Variants in ABCA2 observed in about 807,000 individuals in gnomAD.
ABCA2 encodes ATP-binding cassette sub-family A member 2.
ABCA2 carries 84 observed loss-of-function variants against 262.8 expected under a neutral mutation model. The observed-to-expected ratio is 0.32, with a 90% CI of 0.27 to 0.38. The LOEUF (loss-of-function observed/expected upper bound fraction) is 0.38, where lower values mean the gene tolerates loss of function less well. Among genes scored for constraint, ABCA2 ranks in the 10% least tolerant of loss-of-function variants. ABCA2 has a pLI of 1.00. For synonymous variants in ABCA2, 1,696 were observed against 1,502.9 expected, an observed-to-expected ratio of 1.13 and a Z score of -2.97; for missense variants, 2,662 against 3,405.9, an observed-to-expected ratio of 0.78 and a Z score of 5.44.
rs59031144 is a variant in ABCA2, at chr9:137,008,900, G to GCCCCCCCCC, written c.6931-33_6931-32insGGGGGGGGG. ...GGGGGGAGGTCAGAGGCCTGGCAGC[G>GCCCCCCCCC]CCCCCCCACCCCGTAGCGCCCCCTC... On this transcript the variant is annotated intron_variant, in intron 46 of 48. Coordinates refer to ENST00000341511, the MANE Select transcript of ABCA2 (RefSeq NM_001606.5). 3.9e-6 allele frequency: 6 copies of GCCCCCCCCC among 1,556,370 alleles called. No individual in the cohort carries two copies. In the African/African-American group the frequency reaches 4.2e-5, roughly 11 times the overall value.
Position 137,017,972 on chromosome 9 carries a change from C to G in ABCA2, c.2096+1G>C, listed in dbSNP as rs1262967309. ...CCCAGCCCCGGGCGCCCAGCACTCA[C>G]TCATCGCGTGTGTAGCAGGGGTAGG... On this transcript the variant is annotated splice_donor_variant, in intron 15 of 48. Transcript: ENST00000341511. LOFTEE classifies it high-confidence loss of function. The G allele has an allele frequency of 6.2e-7, 1 of 1,612,548 alleles. No homozygotes were observed.
At chr9:137,009,936 G>A (rs1467773830) in intron 42 of ABCA2, 33 bp from the exon 43 acceptor site, 4 of 1,599,040 alleles carry the variant, frequency 2.5e-6, no homozygotes, top group African/African-American at 1.3e-5. Context: ...AGTGGAGGCA[G>A]GGCCACCCAG....
rs368220227 is a variant in ABCA2 at position 137,013,487 on chromosome 9, G to A, written c.4524C>T (p.Tyr1508=). ...GGTACTCGCGGCGCTCCTCGTTGGC[G>A]TAGGGGATGAAATTGCCACGGGGCT... is the stretch of plus-strand genomic sequence containing the variant. ...YTQPRGNFIP[Y]ANEERREYRL... The change falls in exon 29 of 49, where the codon TAC becomes TAT. Residue 1508 remains tyrosine, a synonymous_variant. Transcript: ENST00000341511. 81 of 1,609,252 alleles carry A rather than the reference G, an allele frequency of 5.0e-5. No individual in the cohort carries two copies. The highest frequency in any genetic ancestry group is 1.6e-4 in the Middle Eastern group (1 of 6,076).
intron 30 of ABCA2, 32 bp from the exon 31 acceptor site, chr9:137,012,957 C>A: frequency 7.4e-6 from 11 of 1,480,278 alleles, no homozygotes; most frequent in Non-Finnish European, 9.9e-6. Flanking sequence ...GTGAGAAGGA[C>A]CCCTCACTGC....
In ABCA2 at chr9:137,020,925, A is replaced by G; in HGVS notation, c.1034T>C (p.Leu345Pro). ...QDVDVLSALA[L>P]LLPQGACTGR... ...AGTGCAGGCACCCTGGGGCAGTAGC[A>G]GGGCCAGGGCCGACAGGACATCCAC... Residue 345 changes from leucine (L) to proline (P), a missense_variant, in exon 9 of 49, where the codon CTG becomes CCG. Leu to Pro is a moderately conservative substitution (Grantham distance 98, BLOSUM62 -3). Around this residue, in one of 12 missense-constraint regions of ABCA2, gnomAD observed 403 missense variants for 375.9 expected, o/e 1.07. Coordinates refer to ENST00000341511, the MANE Select transcript of ABCA2 (RefSeq NM_001606.5). The G allele has an allele frequency of 6.4e-7, 1 of 1,565,400 alleles. No homozygotes were observed. The highest frequency in any genetic ancestry group is 8.7e-7 in the Non-Finnish European group (1 of 1,155,388).
Position 137,012,488 on chromosome 9 carries a change from G to C in ABCA2, c.5184C>G (p.Ala1728=), listed in dbSNP as rs1239787013. ...MVRKIAVRRA[A]QVFYNNKGYH... is the part of the protein sequence containing the mutation. ...CCAGGCCCGCAGCCTCGCTCACCTGGGCAGCCCTGCGCACCGCGATCTTCC... is the reference window on the plus strand; with the variant it reads ...CCAGGCCCGCAGCCTCGCTCACCTGCGCAGCCCTGCGCACCGCGATCTTCC... The change falls in exon 32 of 49, where the codon GCC becomes GCG. Residue 1728 remains alanine, a synonymous_variant. Transcript: ENST00000341511. The C allele has an allele frequency of 1.2e-6, 2 of 1,611,462 alleles. No homozygotes were observed. The highest frequency in any genetic ancestry group is 2.2e-5 in the South Asian group (2 of 91,072).
rs1384905956 is a variant in ABCA2 at position 137,009,856 on chromosome 9, G to A, written c.6543C>T (p.Asp2181=). The A allele has an allele frequency of 1.9e-6, 3 of 1,612,376 alleles. No homozygotes were observed. In the East Asian group the frequency reaches 6.7e-5, roughly 36 times the overall value. The change falls in exon 43 of 49, where the codon GAC becomes GAT. Residue 2181 remains aspartate (D), a synonymous_variant. Transcript: ENST00000341511. The part of the protein sequence containing the change: ...LEKLELTKYA[D]KPAGTYSGGN... ...CGCCGCTGTAGGTGCCAGCCGGCTT[G>A]TCTGCGTACTTGGTCAGCTCCAGCT...
chr9:137,022,652 C>G, intron 5 of ABCA2, 50 bp downstream of exon 5: 1 of 1,580,904 alleles, frequency 6.3e-7, no homozygotes, highest in African/African-American at 1.3e-5. Flanking sequence ...CCAGTGACAG[C>G]AGAGCTTTGC....
chr9:137,019,422 A>T lies in ABCA2; in HGVS notation c.1426-116T>A. 1 of 722,084 alleles carries T rather than the reference A, an allele frequency of 1.4e-6. No individual in the cohort carries two copies. The highest frequency in any genetic ancestry group is 3.7e-5 in the East Asian group (1 of 26,902). The allele number at this position is 722,084 out of a possible 1,614,324, so 44.7% of individuals were successfully genotyped here. On this transcript the variant is annotated intron_variant, in intron 10 of 48. Coordinates refer to ENST00000341511, the MANE Select transcript of ABCA2 (RefSeq NM_001606.5). This position sits in a 1 kb window ranked among gnomAD's most constrained non-coding sequence, Gnocchi z 4.4. ...CCATTGCCAACAACTAACCCTCCCC[A>T]CCTTTTTTTTTTTTTTTTTCCTGAG...
chr9:137,009,910 A>T lies in ABCA2; in HGVS notation c.6496-7T>A. The stretch of plus-strand genomic sequence containing the variant: ...CCAGAGCCCACTTCACCACCTGGCC[A>T]GGGAACGCAGGTGTCAGTGGAGGCA... On this transcript the variant is annotated splice_region_variant and splice_polypyrimidine_tract_variant and intron_variant, in intron 42 of 48. Coordinates refer to ENST00000341511, the MANE Select transcript of ABCA2 (RefSeq NM_001606.5). 6.2e-7 allele frequency: 1 copy of T among 1,603,616 alleles called. No individual in the cohort carries two copies.
chr9:137,022,041 G>A (rs776433780), intron 6 of ABCA2, 40 bp from the exon 7 acceptor site: 3 of 173,884 alleles, frequency 1.7e-5, no homozygotes, highest in African/African-American at 9.0e-5. Context: ...GGGTGTGGGG[G>A]GCGTGGCTCA....
In ABCA2 at chr9:137,021,709, G is replaced by A. The variant is rs970723757; in HGVS notation, c.679-99C>T. The A allele has an allele frequency of 1.5e-6, 2 of 1,348,102 alleles. No homozygotes were observed. The highest frequency in any genetic ancestry group is 2.0e-6 in the Non-Finnish European group (2 of 984,366). The allele number at this position is 1,348,102 out of a possible 1,614,324, so 83.5% of individuals were successfully genotyped here. On this transcript the variant is annotated intron_variant, in intron 7 of 48. Transcript: ENST00000341511. This position sits in a 1 kb window ranked among gnomAD's most constrained non-coding sequence, Gnocchi z 6.0. ...CCTGCCCCACCCACTGGCTGGCTCT[G>A]GGGCTGCCTGGGTCCCACGACATGC...
In ABCA2 at chr9:137,015,092, C is replaced by A; in HGVS notation, c.3703G>T (p.Gly1235Trp). 6.3e-7 allele frequency: 1 copy of A among 1,584,914 alleles called. No individual in the cohort carries two copies. Among genetic ancestry groups the A allele is most frequent in the Non-Finnish European group, 8.6e-7 (1 of 1,167,598 alleles). ...CGACCTGGGGGGCTGGATGCCAGCCCTGGCTCTGTGGGGGACGTGGGAGCA... is the reference window on the plus strand; with the variant it reads ...CGACCTGGGGGGCTGGATGCCAGCCATGGCTCTGTGGGGGACGTGGGAGCA... ...PAEPGGPQEP[G>W]LASSPPGRAP... is the part of the protein sequence containing the mutation. The change falls in exon 25 of 49, where the codon GGG (glycine) becomes TGG (tryptophan). Residue 1235 changes from glycine (G) to tryptophan (W), a missense_variant. Physicochemically the swap from Gly to Trp is radical, Grantham distance 184. This residue lies in a region of ABCA2 where 297 missense variants were observed against 286.5 expected (regional missense o/e 1.04). Transcript: ENST00000341511.
chr9:137,025,912 T>C (rs1359938294), intron 1 of ABCA2, among the ~76,000 whole-genome samples: 6 of 152,184 alleles, frequency 3.9e-5, no homozygotes, highest in Non-Finnish European at 5.9e-5. Flanking sequence ...TAGCACGCCC[T>C]GGGTGCCCCA....
intron 28 of ABCA2, 41 bp downstream of exon 28, chr9:137,013,791 G>C: frequency 2.6e-6 from 4 of 1,564,876 alleles, no homozygotes; most frequent in Non-Finnish European, 2.6e-6. Context: ...CGGGCGGTGG[G>C]GGGAGGCAAG....
rs764370174 is a variant in ABCA2 at position 137,022,012 on chromosome 9, T to TGGGGGAATGGCTCAGATGGGGTGTG, written c.568-36_568-12dup. On this transcript the variant is annotated splice_polypyrimidine_tract_variant and intron_variant, in intron 6 of 48. Transcript: ENST00000341511. ...GAGCAGGTGGTAGACCTAGGAGGTGTGGGGGAATGGCTCAGATGGGGTGTG... is the reference window on the plus strand; with the variant it reads ...GAGCAGGTGGTAGACCTAGGAGGTGTGGGGGAATGGCTCAGATGGGGTGTGGGGGGAATGGCTCAGATGGGGTGTG... 464 of 1,516,052 alleles carry TGGGGGAATGGCTCAGATGGGGTGTG rather than the reference T, an allele frequency of 3.1e-4. 7 individuals are homozygous for TGGGGGAATGGCTCAGATGGGGTGTG. In the African/African-American group the frequency reaches 6.7e-3, roughly 22 times the overall value. The allele number at this position is 1,516,052 out of a possible 1,614,324, so 93.9% of individuals were successfully genotyped here.
chr9:137,010,551 T>G (rs952183780), intron 40 of ABCA2, 69 bp downstream of exon 40: 3 of 1,246,856 alleles, frequency 2.4e-6, no homozygotes, highest in Non-Finnish European at 3.3e-6. Flanking sequence ...CCACCTCCAC[T>G]GCTGGGGCCC....
At chr9:137,020,521 C>T in intron 9 of ABCA2, 26 bp from the exon 10 acceptor site, 1 of 1,565,396 alleles carries the variant, frequency 6.4e-7, no homozygotes, top group Non-Finnish European at 8.6e-7. Flanking sequence ...GGGGGCCGGG[C>T]CAGGCCGTTA....
In ABCA2 at chr9:137,022,686, C is replaced by T; in HGVS notation, c.439+16G>A. On this transcript the variant is annotated intron_variant, in intron 5 of 48. Transcript: ENST00000341511. ...GCCCGCAGCCCTGCCCCCCAACTTCCCTGCACAGGGCACACCTGTGGATCT... is the reference window on the plus strand; with the variant it reads ...GCCCGCAGCCCTGCCCCCCAACTTCTCTGCACAGGGCACACCTGTGGATCT... 2 of 1,601,838 alleles carry T rather than the reference C, an allele frequency of 1.2e-6. No individual in the cohort carries two copies. Among genetic ancestry groups the T allele is most frequent in the Non-Finnish European group, 1.7e-6 (2 of 1,176,424 alleles).
Sources: allele counts gnomAD v4.1 joint callset (sites outside exome capture counted in the v4.1 genomes callset), GRCh38; gene constraint gnomAD v4.1.1; regional missense constraint gnomAD v4.1.1; non-coding constraint Gnocchi (gnomAD v3.1); transcripts MANE v1.5; gene names NCBI Gene and HGNC (gene_info 2026-07-23, HGNC 2026-07-21).